IMMP2L: variants seen among roughly 807,000 people sequenced by gnomAD.
IMMP2L encodes the protein mitochondrial inner membrane protease subunit 2.
A neutral mutation model predicts 19.3 loss-of-function variants in IMMP2L; 18 were observed. The ratio of observed to expected loss-of-function variants is 0.93; its 90% CI spans 0.64 to 1.38. IMMP2L has a LOEUF of 1.38. Among genes scored for constraint, IMMP2L ranks in the 40% most tolerant of loss-of-function variants. The probability of loss-of-function intolerance (pLI) is 0.00; values close to 1 mark genes in which losing one functional copy is unlikely to be tolerated. For missense variants in IMMP2L, 233 were observed against 218.2 expected (o/e 1.07, Z -0.43); for synonymous variants, 76 against 73.0 (o/e 1.04, Z -0.21).
intron 1 of IMMP2L, among the ~76,000 whole-genome samples, chr7:111,560,656 T>C (rs1443977625): frequency 1.3e-5 from 2 of 152,202 alleles, no homozygotes; most frequent in Non-Finnish European, 1.5e-5. Flanking sequence ...CATGTAACTA[T>C]TGAGAAAATC....
chr7:110,848,121 A>C (rs775290786), intron 5 of IMMP2L, among the ~76,000 whole-genome samples: 4 of 152,178 alleles, frequency 2.6e-5, no homozygotes, highest in Non-Finnish European at 5.9e-5. Flanking sequence ...GAATCAGACA[A>C]TAAGCCACAG....
intron 3 of IMMP2L, among the ~76,000 whole-genome samples, chr7:111,326,008 T>C (rs1338039314): frequency 6.6e-6 from 1 of 151,776 alleles, no homozygotes; most frequent in African/African-American, 2.4e-5. Flanking sequence ...CTGCTTGAAG[T>C]TGCATACTGT....
chr7:111,233,677 A>G (rs2129625414), intron 3 of IMMP2L, among the ~76,000 whole-genome samples: 1 of 152,206 alleles, frequency 6.6e-6, no homozygotes, highest in Non-Finnish European at 1.5e-5. Flanking sequence ...ATAGTATCAG[A>G]TTGGCCTTTT....
At chr7:111,334,020 G>A (rs1192479774) in intron 3 of IMMP2L, among the ~76,000 whole-genome samples, 2 of 151,736 alleles carry the variant, frequency 1.3e-5, no homozygotes, top group African/African-American at 4.8e-5. Context: ...ACAACTCTTA[G>A]GTGAAGGGGT....
Position 110,769,958 on chromosome 7 carries a change from T to C in IMMP2L, c.409-106237A>G, listed in dbSNP as rs567017336. ...ACCAACGGGTTGACTATCCGAACTG[T>C]TGGGTTTCATAATGGGTCGCCCTTG... On this transcript the variant is annotated intron_variant, in intron 5 of 5. Coordinates refer to ENST00000405709, the MANE Select transcript of IMMP2L (RefSeq NM_032549.4). 2.0e-5 allele frequency among the ~76,000 whole-genome samples: 3 copies of C among 152,182 alleles called. No homozygotes were observed. In the South Asian group the frequency reaches 6.2e-4, roughly 32 times the overall value.
At chr7:110,934,276 G>C (rs536412782) in intron 4 of IMMP2L, among the ~76,000 whole-genome samples, 65 of 152,246 alleles carry the variant, frequency 4.3e-4, no homozygotes, top group Middle Eastern at 3.4e-3. Flanking sequence ...GTCAATTTTA[G>C]AATAAGTGTG....
chr7:111,185,843 T>C (rs1188407428), intron 3 of IMMP2L, among the ~76,000 whole-genome samples: 4 of 152,178 alleles, frequency 2.6e-5, no homozygotes, highest in Admixed American at 6.5e-5. Context: ...TCTGGACATG[T>C]AGGGAAATAT....
intron 1 of IMMP2L, among the ~76,000 whole-genome samples, chr7:111,528,858 A>AT (rs1847133006): frequency 6.6e-6 from 1 of 152,172 alleles, no homozygotes; most frequent in Non-Finnish European, 1.5e-5. Flanking sequence ...CAAAATCAAG[A>AT]TTTTATTTAT....
At chr7:111,290,868 ATC>A (rs1821033807) in intron 3 of IMMP2L, among the ~76,000 whole-genome samples, 2 of 151,156 alleles carry the variant, frequency 1.3e-5, no homozygotes, top group Non-Finnish European at 3.0e-5. Flanking sequence ...ATATATATAT[ATC>A]TAATTTTCTA....
At chr7:111,171,832 C>T (rs1806480413) in intron 3 of IMMP2L, among the ~76,000 whole-genome samples, 1 of 149,450 alleles carries the variant, frequency 6.7e-6, no homozygotes, top group Non-Finnish European at 1.5e-5. Flanking sequence ...TAACTATCTA[C>T]ATATATGTAA....
At chr7:110,916,095 T>G (rs1813585916) in intron 4 of IMMP2L, among the ~76,000 whole-genome samples, 2 of 152,210 alleles carry the variant, frequency 1.3e-5, no homozygotes, top group African/African-American at 4.8e-5. Context: ...GTAGAGTTTT[T>G]GGGCTAATCA....
chr7:111,319,472 T>C (rs1466718895), intron 3 of IMMP2L, among the ~76,000 whole-genome samples: 1 of 152,026 alleles, frequency 6.6e-6, no homozygotes. Context: ...GCTGGTGAGA[T>C]GGTGGGAAGA....
At chr7:110,775,638 A>G (rs1052803535) in intron 5 of IMMP2L, among the ~76,000 whole-genome samples, 1 of 152,104 alleles carries the variant, frequency 6.6e-6, no homozygotes, top group Non-Finnish European at 1.5e-5. Context: ...AATACTTTTC[A>G]TCTTCAAGTT....
chr7:110,912,342 A>G (rs1257911821), intron 4 of IMMP2L, among the ~76,000 whole-genome samples: 1 of 152,128 alleles, frequency 6.6e-6, no homozygotes, highest in African/African-American at 2.4e-5. Flanking sequence ...TGTAAACACA[A>G]TGTAAGTGTT....
intron 5 of IMMP2L, among the ~76,000 whole-genome samples, chr7:110,782,486 G>A (rs763079894): frequency 2.6e-5 from 4 of 151,856 alleles, no homozygotes; most frequent in Non-Finnish European, 5.9e-5. Flanking sequence ...GGGGACAGAT[G>A]GAAAGGCACC....
At chr7:110,888,972 A>C (rs545886262) in intron 4 of IMMP2L, among the ~76,000 whole-genome samples, 34 of 152,230 alleles carry the variant, frequency 2.2e-4, no homozygotes, top group Non-Finnish European at 4.1e-4. Context: ...ACTGCCATAA[A>C]GGCAGAATAA....
At position 111,460,078 on chromosome 7, in the gene IMMP2L, A is replaced by C. The variant is rs539157609; in HGVS notation, c.239+27160T>G. Among the ~76,000 whole-genome samples the C allele has an allele frequency of 1.8e-4, 28 of 152,246 alleles. 1 individual carries two copies. The South Asian group carries it at 5.6e-3, about 30-fold the overall frequency. ...ACCAGGCAATATGCTTTATTTTGAA[A>C]TTCAGCTGTGTGGGCTGAGATGTCA... On this transcript the variant is annotated intron_variant, in intron 3 of 5. Coordinates refer to ENST00000405709, the MANE Select transcript of IMMP2L (RefSeq NM_032549.4).
chr7:111,047,842 G>C (rs1486901004), intron 3 of IMMP2L, among the ~76,000 whole-genome samples: 4 of 152,148 alleles, frequency 2.6e-5, no homozygotes, highest in African/African-American at 7.2e-5. Flanking sequence ...AGATACATGT[G>C]CATTGTACTC....
At chr7:110,744,248 C>A (rs1797178094) in intron 5 of IMMP2L, among the ~76,000 whole-genome samples, 1 of 152,238 alleles carries the variant, frequency 6.6e-6, no homozygotes, top group Admixed American at 6.5e-5. Context: ...CAGCCCCAGT[C>A]AGGGACTTAT....
Sources: gnomAD v4.1 joint callset for allele counts (sites outside exome capture counted in the v4.1 genomes callset) on GRCh38, gnomAD v4.1.1 for gene constraint, MANE v1.5 for transcripts, NCBI Gene and HGNC (gene_info 2026-07-23, HGNC 2026-07-21) for gene names.